CNTNAP5: variants seen among roughly 807,000 people sequenced by gnomAD.
CNTNAP5 encodes contactin associated protein family member 5.
In CNTNAP5, 72 loss-of-function variants were observed where a neutral mutation model predicts 150.2. The ratio of observed to expected loss-of-function variants is 0.48; its 90% CI spans 0.40 to 0.58. The LOEUF is 0.58. Among genes scored for constraint, CNTNAP5 ranks in the 20% least tolerant of loss-of-function variants. The probability of loss-of-function intolerance (pLI) is 0.00; values close to 1 mark genes in which losing one functional copy is unlikely to be tolerated. For missense variants in CNTNAP5, 1,636 were observed against 1,626.2 expected (o/e 1.01, Z -0.10); for synonymous variants, 672 against 619.8 (o/e 1.08, Z -1.25).
At chr2:124,791,693 C>CTTTTTTTTTTT (rs538796535) in intron 18 of CNTNAP5, among the ~76,000 whole-genome samples, 1 of 115,390 alleles carries the variant, frequency 8.7e-6, no homozygotes, top group South Asian at 2.8e-4. Context: ...AGCCTAATTT[C>CTTTTTTTTTTT]TTTTTTTTTT....
chr2:124,418,200 C>T (rs184825170), intron 4 of CNTNAP5, among the ~76,000 whole-genome samples: 8 of 152,206 alleles, frequency 5.3e-5, no homozygotes, highest in Middle Eastern at 6.8e-3. Flanking sequence ...TTCTTTCCTG[C>T]GCGCTTTATA....
At chr2:124,120,847 G>A (rs1673436943) in intron 1 of CNTNAP5, among the ~76,000 whole-genome samples, 1 of 152,140 alleles carries the variant, frequency 6.6e-6, no homozygotes, top group African/African-American at 2.4e-5. Flanking sequence ...TGAAGTGCCT[G>A]GGTATGCAAT....
In CNTNAP5 at chr2:124,759,790, C is replaced by T. The variant is rs544612800; in HGVS notation, c.2235-3882C>T. Among the ~76,000 whole-genome samples the T allele has an allele frequency of 2.2e-3, 330 of 151,834 alleles. 1 individual carries two copies. The highest frequency in any genetic ancestry group is 7.4e-3 in the African/African-American group (305 of 41,434). On this transcript the variant is annotated intron_variant, in intron 14 of 23. Coordinates refer to ENST00000682447, the MANE Select transcript of CNTNAP5 (RefSeq NM_001367498.1). ...GATTGCAGATGTGGTCCAGTCCCTC[C>T]CACCCACCCCTGTGTGGAGCACAGG...
chr2:124,112,866 C>T (rs1683331127), intron 1 of CNTNAP5, among the ~76,000 whole-genome samples: 1 of 152,086 alleles, frequency 6.6e-6, no homozygotes, highest in Non-Finnish European at 1.5e-5. Context: ...ATTATGTCCC[C>T]TTAAGGTTCT....
intron 13 of CNTNAP5, among the ~76,000 whole-genome samples, chr2:124,679,207 T>C (rs1401938143): frequency 1.3e-5 from 2 of 151,756 alleles, no homozygotes; most frequent in African/African-American, 2.4e-5. Flanking sequence ...AACTGGTAAA[T>C]GATGGATCTC....
At chr2:124,275,128 A>G (rs1687855488) in intron 3 of CNTNAP5, among the ~76,000 whole-genome samples, 1 of 152,122 alleles carries the variant, frequency 6.6e-6, no homozygotes, top group Non-Finnish European at 1.5e-5. Context: ...CACTATCATG[A>G]GAACAGCATG....
intron 10 of CNTNAP5, among the ~76,000 whole-genome samples, chr2:124,544,623 G>A (rs1381555880): frequency 6.6e-6 from 1 of 152,088 alleles, no homozygotes; most frequent in African/African-American, 2.4e-5. Flanking sequence ...TTAACATCTT[G>A]TTACTATTGG....
At chr2:124,415,658 G>A (rs978771022) in intron 3 of CNTNAP5, among the ~76,000 whole-genome samples, 8 of 152,146 alleles carry the variant, frequency 5.3e-5, no homozygotes, top group Non-Finnish European at 1.0e-4. Context: ...AAAGAAGAAC[G>A]TTGATGATTC....
At chr2:124,368,773 T>C (rs760496030) in intron 3 of CNTNAP5, among the ~76,000 whole-genome samples, 94 of 152,106 alleles carry the variant, frequency 6.2e-4, no homozygotes, top group Non-Finnish European at 1.1e-3. Flanking sequence ...GCATTCCTAC[T>C]GCATATACTG....
intron 3 of CNTNAP5, among the ~76,000 whole-genome samples, chr2:124,342,210 T>G (rs1689635860): frequency 6.6e-6 from 1 of 152,218 alleles, no homozygotes; most frequent in Non-Finnish European, 1.5e-5. Context: ...AGGTTCTTCT[T>G]AAGACTGTGT....
intron 1 of CNTNAP5, among the ~76,000 whole-genome samples, chr2:124,165,036 G>T (rs1034356597): frequency 6.6e-6 from 1 of 152,084 alleles, no homozygotes; most frequent in African/African-American, 2.4e-5. Flanking sequence ...TAATCTATCT[G>T]GGCTGACTTA....
chr2:124,210,628 C>T (rs1685981753), intron 1 of CNTNAP5, among the ~76,000 whole-genome samples: 1 of 152,080 alleles, frequency 6.6e-6, no homozygotes, highest in Admixed American at 6.6e-5. Flanking sequence ...TTCTCTATCC[C>T]CATCTCCACC....
chr2:124,229,898 T>TA (rs1686570969), intron 2 of CNTNAP5, among the ~76,000 whole-genome samples: 1 of 151,988 alleles, frequency 6.6e-6, no homozygotes, highest in Non-Finnish European at 1.5e-5. Flanking sequence ...ATTGCATGTT[T>TA]TTTTTTTCCA....
At chr2:124,373,120 C>T (rs978791564) in intron 3 of CNTNAP5, among the ~76,000 whole-genome samples, 1 of 152,130 alleles carries the variant, frequency 6.6e-6, no homozygotes, top group South Asian at 2.1e-4. Flanking sequence ...AGGAGCAGTG[C>T]CGTTCTTGAC....
chr2:124,302,797 G>C (rs919352822), intron 3 of CNTNAP5, among the ~76,000 whole-genome samples: 1 of 152,164 alleles, frequency 6.6e-6, no homozygotes, highest in Non-Finnish European at 1.5e-5. Flanking sequence ...TTCTGGGCTT[G>C]AGTAAGCTGA....
At chr2:124,110,877 T>A (rs1195826212) in intron 1 of CNTNAP5, among the ~76,000 whole-genome samples, 4 of 152,154 alleles carry the variant, frequency 2.6e-5, no homozygotes, top group Non-Finnish European at 5.9e-5. Flanking sequence ...ACAAAGGCCC[T>A]TGATAGAAAG....
chr2:124,221,658 T>C, intron 1 of CNTNAP5, 47 bp from the exon 2 acceptor site: 4 of 1,175,886 alleles, frequency 3.4e-6, no homozygotes, highest in Non-Finnish European at 5.0e-6. Context: ...GAATGTTTCT[T>C]GCTAATAGAA....
At chr2:124,834,490 C>A (rs1484475943) in intron 19 of CNTNAP5, among the ~76,000 whole-genome samples, 4 of 152,112 alleles carry the variant, frequency 2.6e-5, no homozygotes, top group Admixed American at 2.6e-4. Flanking sequence ...AGAAGTAGTT[C>A]ATGTTTAAAT....
intron 1 of CNTNAP5, among the ~76,000 whole-genome samples, chr2:124,218,282 A>G (rs907126199): frequency 1.3e-5 from 2 of 152,112 alleles, no homozygotes; most frequent in African/African-American, 2.4e-5. Context: ...TTAGGCAAAA[A>G]TAGGCTTCCA....
Sources: allele counts gnomAD v4.1 joint callset (sites outside exome capture counted in the v4.1 genomes callset), GRCh38; gene constraint gnomAD v4.1.1; transcripts MANE v1.5; gene names NCBI Gene and HGNC (gene_info 2026-07-23, HGNC 2026-07-21).